The following SRPK1 variants were observed in gnomAD, a reference collection of about 807,000 sequenced individuals.
The protein encoded by SRPK1 is SFRS protein kinase 1.
SRPK1 carries 52 observed loss-of-function variants against 89.5 expected under a neutral mutation model. That is an observed-to-expected ratio of 0.58 (90% CI 0.46 to 0.73). The LOEUF is 0.73. SRPK1 is among the 30% of genes least tolerant of loss of function. SRPK1 has a pLI of 0.00. For missense variants in SRPK1, 603 were observed against 780.6 expected (o/e 0.77, Z 2.71); for synonymous variants, 255 against 270.2 (o/e 0.94, Z 0.55).
At chr6:35,888,188 G>T in intron 4 of SRPK1, 77 bp from the exon 5 acceptor site, 1 of 922,562 alleles carries the variant, frequency 1.1e-6, no homozygotes, top group Admixed American at 3.1e-5. Context: ...CTATAAGATG[G>T]TTAAAAAGGA....
At chr6:35,900,054 G>A (rs930334950) in intron 2 of SRPK1, among the ~76,000 whole-genome samples, 4 of 151,788 alleles carry the variant, frequency 2.6e-5, no homozygotes, top group African/African-American at 9.7e-5. Flanking sequence ...GATTCCTTTG[G>A]TAAGGTTTGT....
At chr6:35,907,669 C>T (rs1770878082) in intron 2 of SRPK1, among the ~76,000 whole-genome samples, 1 of 151,658 alleles carries the variant, frequency 6.6e-6, no homozygotes, top group Non-Finnish European at 1.5e-5. Context: ...TGCACCATTG[C>T]ACTCCAGCCT....
chr6:35,878,368 A>G (rs1278734539), intron 6 of SRPK1, among the ~76,000 whole-genome samples: 5 of 152,228 alleles, frequency 3.3e-5, no homozygotes, highest in Non-Finnish European at 7.3e-5. Context: ...GAAGAGTCTG[A>G]GAAGATGGTG....
chr6:35,872,748 C>A lies in SRPK1; in HGVS notation c.586-20G>T, dbSNP rs1254238668. On this transcript the variant is annotated intron_variant, in intron 7 of 15. Transcript: ENST00000373825. ...TAACACCTGAATGGAAATAGAGTGGCAGACTTGCAAACACAAAATACAGGC... is the reference window on the plus strand; with the variant it reads ...TAACACCTGAATGGAAATAGAGTGGAAGACTTGCAAACACAAAATACAGGC... 6.4e-7 allele frequency: 1 copy of A among 1,568,206 alleles called. No homozygotes were observed. Among genetic ancestry groups the A allele is most frequent in the Non-Finnish European group, 8.6e-7 (1 of 1,161,044 alleles).
At chr6:35,839,294 G>A (rs958129644) in intron 14 of SRPK1, among the ~76,000 whole-genome samples, 1 of 152,148 alleles carries the variant, frequency 6.6e-6, no homozygotes, top group African/African-American at 2.4e-5. Flanking sequence ...GGGATTACAG[G>A]CCTGAGCCAC....
intron 2 of SRPK1, among the ~76,000 whole-genome samples, chr6:35,917,706 C>T (rs1771141680): frequency 6.6e-6 from 1 of 152,174 alleles, no homozygotes; most frequent in Admixed American, 6.5e-5. Context: ...ACTGAAAATC[C>T]CTTCTGCCTG....
At chr6:35,874,367 C>A (rs759758344) in intron 6 of SRPK1, 28 bp from the exon 7 acceptor site, 3 of 1,521,812 alleles carry the variant, frequency 2.0e-6, no homozygotes, top group Non-Finnish European at 2.7e-6. Context: ...AGGGAAAAAA[C>A]GGCACAAAAG....
chr6:35,838,072 G>A (rs1450302458), intron 15 of SRPK1, among the ~76,000 whole-genome samples: 3 of 152,044 alleles, frequency 2.0e-5, no homozygotes, highest in African/African-American at 7.2e-5. Flanking sequence ...GTTTCACCGG[G>A]TTGGCCAGGC....
intron 6 of SRPK1, among the ~76,000 whole-genome samples, chr6:35,885,316 G>C (rs1770385303): frequency 6.6e-6 from 1 of 151,144 alleles, no homozygotes; most frequent in African/African-American, 2.4e-5. Context: ...GAGAGAGAGA[G>C]AGAGAGAGAG....
rs146325361 is a variant in SRPK1 at position 35,869,387 on chromosome 6, G to C, written c.1411+95C>G. ...GTAACTTAGACACACCTGTTGTAAA[G>C]CTATAGTTACAAAAACAATCATACT... On this transcript the variant is annotated intron_variant, in intron 11 of 15. Transcript: ENST00000373825. 157 of 1,425,876 alleles carry C rather than the reference G, an allele frequency of 1.1e-4. No individual in the cohort carries two copies. In the African/African-American group the frequency reaches 2.0e-3, roughly 18 times the overall value. The allele number at this position is 1,425,876 out of a possible 1,614,324, so 88.3% of individuals were successfully genotyped here. A position where few individuals can be genotyped will look rare whatever the true frequency, so the allele number is the denominator to read the frequency against.
intron 6 of SRPK1, among the ~76,000 whole-genome samples, chr6:35,878,894 C>A (rs1770216074): frequency 6.6e-6 from 1 of 152,100 alleles, no homozygotes; most frequent in Non-Finnish European, 1.5e-5. Context: ...AGTTCGAGAC[C>A]AGCCTGGCAA....
At chr6:35,838,482 G>GT in intron 14 of SRPK1, 53 bp from the exon 15 acceptor site, 1 of 1,469,180 alleles carries the variant, frequency 6.8e-7, no homozygotes, top group South Asian at 1.3e-5. Flanking sequence ...CGTAACAAGA[G>GT]TAACAAATGC....
intron 2 of SRPK1, among the ~76,000 whole-genome samples, chr6:35,912,107 G>T (rs1168354921): frequency 6.6e-6 from 1 of 152,080 alleles, no homozygotes; most frequent in Middle Eastern, 3.2e-3. Flanking sequence ...GCTAAGGCAG[G>T]AGGACTGCTT....
At chr6:35,879,157 C>T (rs930221711) in intron 6 of SRPK1, among the ~76,000 whole-genome samples, 2 of 152,188 alleles carry the variant, frequency 1.3e-5, no homozygotes, top group Admixed American at 6.5e-5. Flanking sequence ...AGTGACTGCG[C>T]ATGCCCAGGA....
intron 2 of SRPK1, among the ~76,000 whole-genome samples, chr6:35,916,271 GCATATCAACTTAATGGA>G (rs1771101207): frequency 6.7e-6 from 1 of 149,788 alleles, no homozygotes; most frequent in Non-Finnish European, 1.5e-5. Context: ...TTAAATTATG[GCATATCAACTTAATGGA>G]ATGCTAGATG....
chr6:35,918,616 C>T (rs965373930), intron 2 of SRPK1, among the ~76,000 whole-genome samples: 1 of 152,162 alleles, frequency 6.6e-6, no homozygotes, highest in Admixed American at 6.5e-5. Context: ...GAAATGGGGG[C>T]AGTTCATTCA....
chr6:35,852,224 C>T (rs1476546727), intron 13 of SRPK1, among the ~76,000 whole-genome samples: 1 of 152,180 alleles, frequency 6.6e-6, no homozygotes, highest in Non-Finnish European at 1.5e-5. Flanking sequence ...TGCATTTAAT[C>T]ACTCCCATCT....
At chr6:35,887,937 A>G (rs1421010818) in intron 5 of SRPK1, 87 bp downstream of exon 5, 1 of 951,100 alleles carries the variant, frequency 1.1e-6, no homozygotes, top group Non-Finnish European at 1.5e-6. Flanking sequence ...TATCCATGCT[A>G]AAGAGCCTCC....
At chr6:35,907,732 A>T (rs776147053) in intron 2 of SRPK1, among the ~76,000 whole-genome samples, 2 of 152,104 alleles carry the variant, frequency 1.3e-5, no homozygotes, top group Non-Finnish European at 2.9e-5. Flanking sequence ...AAAATAAAAA[A>T]TAAGTAAGAT....
Sources: allele counts gnomAD v4.1 joint callset (sites outside exome capture counted in the v4.1 genomes callset), GRCh38; gene constraint gnomAD v4.1.1; transcripts MANE v1.5; gene names NCBI Gene and HGNC (gene_info 2026-07-23, HGNC 2026-07-21).